NUDT5: variants seen among roughly 807,000 people sequenced by gnomAD.
NUDT5 encodes the protein ADP-sugar pyrophosphatase.
Under a neutral mutation model 34.1 loss-of-function variants are expected in NUDT5, and 21 were observed. The ratio of observed to expected loss-of-function variants is 0.62; its 90% confidence interval spans 0.44 to 0.89. The LOEUF (loss-of-function observed/expected upper bound fraction) is 0.89. NUDT5 is among the 40% of genes least tolerant of loss of function. The pLI, the probability that NUDT5 is intolerant of heterozygous loss-of-function variation, is 0.00. For missense variants in NUDT5, 249 were observed against 274.8 expected, an observed-to-expected ratio of 0.91 and a Z score of 0.66; for synonymous variants, 85 against 97.6, an observed-to-expected ratio of 0.87 and a Z score of 0.76.
At position 12,170,605 on chromosome 10, in the gene NUDT5, A is replaced by G. The variant is rs1429838961; in HGVS notation, c.550+112T>C. 1 of 1,028,912 alleles carries G rather than the reference A, an allele frequency of 9.7e-7. No homozygotes were observed. The highest frequency in any genetic ancestry group is 1.5e-6 in the Non-Finnish European group (1 of 656,008). The allele number at this position is 1,028,912 out of a possible 1,614,324, so 63.7% of individuals were successfully genotyped here. ...AGTTTTACAAGTTGCTAGGCATTTG[A>G]CTTTAGTGATACAAAAAAGATAAAG... On this transcript the variant is annotated intron_variant, in intron 9 of 9. Coordinates refer to ENST00000491614, the MANE Select transcript of NUDT5 (RefSeq NM_014142.4). The surrounding 1 kb of genome is among the most constrained non-coding windows in gnomAD (Gnocchi z 4.9).
intron 1 of NUDT5, among the ~76,000 whole-genome samples, chr10:12,186,627 T>A (rs1055449187): frequency 7.9e-6 from 1 of 126,636 alleles, no homozygotes; most frequent in Non-Finnish European, 1.7e-5. Context: ...TCTTTTTTTT[T>A]TTTTCTTTTT....
intron 1 of NUDT5, among the ~76,000 whole-genome samples, chr10:12,193,946 G>T (rs1835283420): frequency 1.3e-5 from 2 of 151,274 alleles, no homozygotes; most frequent in Non-Finnish European, 2.9e-5. Context: ...GCGCGATCTC[G>T]GCTCATCGCA....
rs905379873 is a variant in NUDT5, at chr10:12,169,383, C to T, written c.550+1334G>A. 3 of 1,217,820 alleles carry T rather than the reference C, an allele frequency of 2.5e-6. No individual in the cohort carries two copies. The Admixed American group carries it at 6.5e-5, about 27-fold the overall frequency. The allele number at this position is 1,217,820 out of a possible 1,614,324, so 75.4% of individuals were successfully genotyped here. ...CCTACGTCACCCTGCTTTCCACGCA[C>T]CTCCTCAGAGGGAGGGGCTGTTATT... On this transcript the variant is annotated intron_variant, in intron 9 of 9. Transcript: ENST00000491614. This position sits in a 1 kb window ranked among gnomAD's most constrained non-coding sequence, Gnocchi z 4.8.
intron 1 of NUDT5, among the ~76,000 whole-genome samples, chr10:12,191,014 G>A (rs1214209334): frequency 1.3e-5 from 2 of 152,168 alleles, no homozygotes; most frequent in Admixed American, 6.5e-5. Flanking sequence ...CAGAGACACC[G>A]GGGCAAGGGT....
chr10:12,172,894 G>A (rs756791671), intron 6 of NUDT5, 28 bp from the exon 7 acceptor site: 86 of 1,496,462 alleles, frequency 5.7e-5, no homozygotes, highest in Middle Eastern at 1.7e-4. Flanking sequence ...AGTCAGATGC[G>A]TCAGTCCCTT....
At chr10:12,172,696 A>T in intron 7 of NUDT5, 69 bp downstream of exon 7, 1 of 1,023,242 alleles carries the variant, frequency 9.8e-7, no homozygotes, top group East Asian at 2.4e-5. Context: ...TTAATAAATC[A>T]AACTAGCAGC....
At chr10:12,185,086 T>G in intron 2 of NUDT5, 130 bp from the exon 3 acceptor site, 1 of 584,616 alleles carries the variant, frequency 1.7e-6, no homozygotes, top group Non-Finnish European at 3.0e-6. Flanking sequence ...CCCAATAATC[T>G]GTGGGCACGT....
chr10:12,185,970 A>G (rs890232245), intron 2 of NUDT5, among the ~76,000 whole-genome samples: 24 of 152,220 alleles, frequency 1.6e-4, no homozygotes. Flanking sequence ...TCTTCTATCT[A>G]GGGAAATACA....
rs755881716 is a variant in NUDT5 at position 12,173,764 on chromosome 10, A to C, written c.339T>G (p.Leu113=). The C allele has an allele frequency of 1.2e-6, 2 of 1,613,926 alleles. No homozygotes were observed. Among genetic ancestry groups the C allele is most frequent in the African/African-American group, 2.7e-5 (2 of 74,930 alleles). ...ETPEAAALRE[L]EEETGYKGDI... ...CCCCTTTGTAGCCAGTTTCTTCTTC[A>C]AGCTCCCGGAGAGCAGCTGCTTCTG... The change falls in exon 6 of 10, where the codon CTT becomes CTG. Residue 113 remains leucine, a synonymous_variant. Coordinates refer to ENST00000491614, the MANE Select transcript of NUDT5 (RefSeq NM_014142.4). The surrounding 1 kb of genome is among the most constrained non-coding windows in gnomAD (Gnocchi z 4.7).
chr10:12,194,597 C>T (rs577136430), intron 1 of NUDT5, among the ~76,000 whole-genome samples: 2 of 152,212 alleles, frequency 1.3e-5, no homozygotes, highest in Non-Finnish European at 2.9e-5. Flanking sequence ...AGCCACTTAG[C>T]CAGTAACATT....
At position 12,167,573 on chromosome 10, in the gene NUDT5, ATCTGT is replaced by A. The variant is rs1316313209; in HGVS notation, c.*124_*128del. On this transcript the variant is annotated 3_prime_UTR_variant, in exon 10 of 10. Coordinates refer to ENST00000491614, the MANE Select transcript of NUDT5 (RefSeq NM_014142.4). ...AATTACAATTCCATACCACCACCACATCTGTTCTGTGCTTTTATTTTACGAAAAAG... is the reference window on the plus strand; with the variant it reads ...AATTACAATTCCATACCACCACCACATCTGTGCTTTTATTTTACGAAAAAG... 1.4e-5 allele frequency: 12 copies of A among 838,494 alleles called. No individual in the cohort carries two copies. In the African/African-American group the frequency reaches 1.7e-4, roughly 12 times the overall value. The allele number at this position is 838,494 out of a possible 1,614,324, so 51.9% of individuals were successfully genotyped here. A position where few individuals can be genotyped will look rare whatever the true frequency, so the allele number is the denominator to read the frequency against.
chr10:12,176,769 T>C (rs1834956218), intron 5 of NUDT5, among the ~76,000 whole-genome samples: 1 of 152,204 alleles, frequency 6.6e-6, no homozygotes, highest in Non-Finnish European at 1.5e-5. Context: ...AGAGTCTCCT[T>C]GGCCTGTTTC....
rs1449516467 is a variant in NUDT5 at position 12,168,397 on chromosome 10, G to A, written c.551-586C>T. Among the ~76,000 whole-genome samples the A allele has an allele frequency of 6.6e-6, 1 of 152,152 alleles. No homozygotes were observed. The highest frequency in any genetic ancestry group is 1.5e-5 in the Non-Finnish European group (1 of 68,022). ...CAATCGCTATACCTCATTTATAGCTGGGGTAGGGCTTTGCTTTTCTGAAAC... is the reference window on the plus strand; with the variant it reads ...CAATCGCTATACCTCATTTATAGCTAGGGTAGGGCTTTGCTTTTCTGAAAC... On this transcript the variant is annotated intron_variant, in intron 9 of 9. Transcript: ENST00000491614. This position sits in a 1 kb window ranked among gnomAD's most constrained non-coding sequence, Gnocchi z 4.8.
At chr10:12,167,886 C>A in intron 9 of NUDT5, 75 bp from the exon 10 acceptor site, 1 of 1,591,938 alleles carries the variant, frequency 6.3e-7, no homozygotes, top group Non-Finnish European at 8.5e-7. Flanking sequence ...TCAGTGTTTG[C>A]GCAGCAGGTA....
intron 3 of NUDT5, among the ~76,000 whole-genome samples, chr10:12,180,167 A>G (rs1419403392): frequency 1.3e-5 from 2 of 152,216 alleles, no homozygotes; most frequent in African/African-American, 4.8e-5. Flanking sequence ...AAATTGTTCA[A>G]ATATTTAATT....
chr10:12,174,507 C>G (rs1017219138), intron 5 of NUDT5, among the ~76,000 whole-genome samples: 1 of 150,466 alleles, frequency 6.6e-6, no homozygotes, highest in African/African-American at 2.4e-5. Flanking sequence ...GAACTCCTGG[C>G]CTCAAGTGAT....
chr10:12,176,833 T>C (rs1834957361), intron 5 of NUDT5, among the ~76,000 whole-genome samples: 1 of 151,942 alleles, frequency 6.6e-6, no homozygotes, highest in Non-Finnish European at 1.5e-5. Context: ...GTTAAGAGCC[T>C]GGCCTAGGCT....
At chr10:12,174,590 G>C (rs1198574277) in intron 5 of NUDT5, among the ~76,000 whole-genome samples, 3 of 152,140 alleles carry the variant, frequency 2.0e-5, no homozygotes, top group Non-Finnish European at 4.4e-5. Flanking sequence ...AATTTTTATA[G>C]AAACAAAAAG....
rs1330121302 is a variant in NUDT5 at position 12,181,735 on chromosome 10, T to C, written c.132-2603A>G. Among the ~76,000 whole-genome samples the C allele has an allele frequency of 6.6e-6, 1 of 152,006 alleles. No homozygotes were observed. Among genetic ancestry groups the C allele is most frequent in the African/African-American group, 2.4e-5 (1 of 41,374 alleles). On this transcript the variant is annotated intron_variant, in intron 3 of 9. Coordinates refer to ENST00000491614, the MANE Select transcript of NUDT5 (RefSeq NM_014142.4). This position sits in a 1 kb window ranked among gnomAD's most constrained non-coding sequence, Gnocchi z 5.0. ...GGCTCACGCCTGAAACCCCAGCACT[T>C]TGGGAGGCCAAGGTAGGAGGACTGC...
Sources: gnomAD v4.1 joint callset for allele counts (sites outside exome capture counted in the v4.1 genomes callset) on GRCh38, gnomAD v4.1.1 for gene constraint, Gnocchi (gnomAD v3.1) non-coding constraint, MANE v1.5 for transcripts, NCBI Gene and HGNC (gene_info 2026-07-23, HGNC 2026-07-21) for gene names.